Variants in CAMTA1 observed in about 807,000 individuals in gnomAD.
CAMTA1 encodes calmodulin-binding transcription activator 1.
CAMTA1 carries 27 observed loss-of-function variants against 170.9 expected under a neutral mutation model. That is an observed-to-expected ratio of 0.16 (90% confidence interval 0.12 to 0.22). CAMTA1 has a LOEUF of 0.22. Among genes scored for constraint, CAMTA1 ranks in the 10% least tolerant of loss-of-function variants. CAMTA1 has a pLI of 1.00. For synonymous variants in CAMTA1, 833 were observed against 891.5 expected, an observed-to-expected ratio of 0.93 and a Z score of 1.17; for missense variants, 1,619 against 2,217.2, an observed-to-expected ratio of 0.73 and a Z score of 5.42.
At chr1:7,557,270 T>G (rs942097389) in intron 6 of CAMTA1, among the ~76,000 whole-genome samples, 3 of 150,020 alleles carry the variant, frequency 2.0e-5, no homozygotes. Context: ...ATCACGCCAC[T>G]GCACTCCAGC....
intron 11 of CAMTA1, among the ~76,000 whole-genome samples, chr1:7,688,212 C>T (rs532885726): frequency 1.3e-5 from 2 of 151,878 alleles, no homozygotes; most frequent in South Asian, 4.2e-4. Flanking sequence ...ACCATGTTGG[C>T]CAGGCTGGTC....
chr1:7,706,020 G>T (rs187009049), intron 11 of CAMTA1, among the ~76,000 whole-genome samples: 6 of 151,976 alleles, frequency 3.9e-5, no homozygotes, highest in African/African-American at 1.2e-4. Context: ...AGACTTTTTC[G>T]ATCTCTGTAG....
At chr1:7,737,715 G>C in intron 15 of CAMTA1, 145 bp downstream of exon 15, 1 of 885,782 alleles carries the variant, frequency 1.1e-6, no homozygotes, top group South Asian at 1.8e-5. Flanking sequence ...AGAATGCCTA[G>C]TGCTGCCCCC....
chr1:7,321,248 A>G (rs1290668866), intron 5 of CAMTA1, among the ~76,000 whole-genome samples: 2 of 152,174 alleles, frequency 1.3e-5, no homozygotes, highest in Non-Finnish European at 2.9e-5. Context: ...TCTACTCAAC[A>G]AGGCCGTTGG....
intron 3 of CAMTA1, among the ~76,000 whole-genome samples, chr1:6,928,059 C>T (rs979825413): frequency 6.6e-6 from 1 of 152,300 alleles, no homozygotes; most frequent in Non-Finnish European, 1.5e-5. Context: ...TCCTGTTCTC[C>T]TCCTGCCTGG....
chr1:7,340,182 A>T (rs1205678210), intron 5 of CAMTA1, among the ~76,000 whole-genome samples: 1 of 152,226 alleles, frequency 6.6e-6, no homozygotes, highest in Non-Finnish European at 1.5e-5. Flanking sequence ...CTGTGTGCCC[A>T]TAAAACTTTA....
At chr1:6,913,424 G>T (rs1680126382) in intron 3 of CAMTA1, among the ~76,000 whole-genome samples, 1 of 152,154 alleles carries the variant, frequency 6.6e-6, no homozygotes, top group Non-Finnish European at 1.5e-5. Flanking sequence ...TTGTTGGGGT[G>T]CCCTCCCCAG....
intron 3 of CAMTA1, among the ~76,000 whole-genome samples, chr1:7,083,462 T>C (rs2148046864): frequency 6.6e-6 from 1 of 152,342 alleles, no homozygotes; most frequent in Non-Finnish European, 1.5e-5. Context: ...GGATATCCTG[T>C]GCAGGGTGTT....
chr1:7,656,771 C>A (rs754789800), intron 7 of CAMTA1, among the ~76,000 whole-genome samples: 5 of 152,242 alleles, frequency 3.3e-5, no homozygotes, highest in Admixed American at 1.3e-4. Context: ...TTGGCCGCCT[C>A]TTGGGTAAAT....
chr1:7,654,880 C>T (rs1314402317), intron 7 of CAMTA1, among the ~76,000 whole-genome samples: 1 of 139,476 alleles, frequency 7.2e-6, no homozygotes, highest in Non-Finnish European at 1.5e-5. Context: ...ACACACACAT[C>T]TATACACACA....
intron 6 of CAMTA1, among the ~76,000 whole-genome samples, chr1:7,478,134 A>T (rs1575528645): frequency 6.6e-6 from 1 of 152,080 alleles, no homozygotes; most frequent in African/African-American, 2.4e-5. Context: ...GGCTGTTTTC[A>T]CCCCACCAGG....
chr1:6,971,572 C>T lies in CAMTA1; in HGVS notation c.235-119732C>T, dbSNP rs549942348. ...AGTGCCTTCTGGGTAAGTCTCTAAC[C>T]GAAAACTAGATCCACAGGCAGGCCT... On this transcript the variant is annotated intron_variant, in intron 3 of 22. Coordinates refer to ENST00000303635, the MANE Select transcript of CAMTA1 (RefSeq NM_015215.4). The surrounding 1 kb of genome is among the most constrained non-coding windows in gnomAD (Gnocchi z 4.6). 5.9e-5 allele frequency among the ~76,000 whole-genome samples: 9 copies of T among 152,172 alleles called. No individual in the cohort carries two copies. The South Asian group carries it at 6.2e-4, about 11-fold the overall frequency.
intron 3 of CAMTA1, among the ~76,000 whole-genome samples, chr1:6,900,832 TAAGATGTCTG>T (rs1676778598): frequency 6.6e-6 from 1 of 152,202 alleles, no homozygotes; most frequent in Non-Finnish European, 1.5e-5. Context: ...GACTAAATAG[TAAGATGTCTG>T]TTTTCCCTAA....
At chr1:7,454,896 C>T (rs1197987725) in intron 5 of CAMTA1, among the ~76,000 whole-genome samples, 1 of 152,188 alleles carries the variant, frequency 6.6e-6, no homozygotes, top group Non-Finnish European at 1.5e-5. Flanking sequence ...TTCTGCTAAA[C>T]TGCAGACTTA....
intron 3 of CAMTA1, among the ~76,000 whole-genome samples, chr1:6,890,865 C>T (rs970780165): frequency 2.6e-5 from 4 of 152,216 alleles, no homozygotes; most frequent in Non-Finnish European, 2.9e-5. Flanking sequence ...AGCCACCCTG[C>T]CCAGCCTGCT....
At chr1:6,807,906 A>G (rs1367053027) in intron 1 of CAMTA1, among the ~76,000 whole-genome samples, 1 of 151,910 alleles carries the variant, frequency 6.6e-6, no homozygotes, top group Non-Finnish European at 1.5e-5. Context: ...GTCTGTAGGG[A>G]AGCAGATATG....
In CAMTA1 at chr1:7,738,494, G is replaced by A; in HGVS notation, c.4182+12G>A. The A allele has an allele frequency of 1.9e-6, 3 of 1,609,918 alleles. No individual in the cohort carries two copies. The highest frequency in any genetic ancestry group is 2.5e-6 in the Non-Finnish European group (3 of 1,177,230). On this transcript the variant is annotated intron_variant, in intron 16 of 22. Transcript: ENST00000303635. The surrounding 1 kb of genome is among the most constrained non-coding windows in gnomAD (Gnocchi z 4.9). ...TGGATGACATACAGGTAAAAAGCAGGGACAGGGTAAGCCCGCAGAGGCTGG... is the reference window on the plus strand; with the variant it reads ...TGGATGACATACAGGTAAAAAGCAGAGACAGGGTAAGCCCGCAGAGGCTGG...
At chr1:7,184,447 C>T (rs1652843482) in intron 4 of CAMTA1, among the ~76,000 whole-genome samples, 1 of 152,150 alleles carries the variant, frequency 6.6e-6, no homozygotes, top group African/African-American at 2.4e-5. Flanking sequence ...GATTTTTACA[C>T]ATTGCATGCC....
chr1:7,035,382 A>G (rs922930701), intron 3 of CAMTA1, among the ~76,000 whole-genome samples: 1 of 150,854 alleles, frequency 6.6e-6, no homozygotes, highest in South Asian at 2.1e-4. Context: ...CCTGGGCAAC[A>G]AGAGCGAAAC....
Sources: gnomAD v4.1 joint callset for allele counts (sites outside exome capture counted in the v4.1 genomes callset) on GRCh38, gnomAD v4.1.1 for gene constraint, Gnocchi (gnomAD v3.1) non-coding constraint, MANE v1.5 for transcripts, NCBI Gene and HGNC (gene_info 2026-07-23, HGNC 2026-07-21) for gene names.